The following LRP2 variants were observed in gnomAD, a reference collection of about 807,000 sequenced individuals.
The protein encoded by LRP2 is LDL receptor related protein 2, also known as low-density lipoprotein receptor-related protein 2.
A neutral mutation model predicts 531.0 loss-of-function variants in LRP2; 172 were observed. The observed-to-expected ratio is 0.32, with a 90% CI of 0.29 to 0.37. The LOEUF is 0.37. LRP2 is among the 10% of genes least tolerant of loss of function. LRP2 has a pLI of 1.00. For synonymous variants in LRP2, 1,992 were observed against 2,027.6 expected (o/e 0.98, Z 0.47); for missense variants, 5,167 against 5,868.3 (o/e 0.88, Z 3.90).
chr2:169,173,015 C>CGTGGGG, intron 57 of LRP2, 81 bp downstream of exon 57: 3 of 1,399,858 alleles, frequency 2.1e-6, no homozygotes, highest in Non-Finnish European at 3.0e-6. Context: ...GGGAAATACA[C>CGTGGGG]TCTCATCTCT....
chr2:169,145,851 C>T lies in LRP2; in HGVS notation c.12884G>A (p.Trp4295Ter), dbSNP rs1685886355. The change falls in exon 70 of 79, where the codon TGG (tryptophan) becomes TAG (stop). Residue 4295 changes from tryptophan to a stop codon, truncating the protein, a stop_gained. Transcript: ENST00000649046. LOFTEE classifies it high-confidence loss of function. Reference sequence around the variant, plus strand: ...TCCTTGCCCAAATTTATTTTGTTTCCATACTTCTCCCTTTTCCTTAGATAT... The same window carrying T: ...TCCTTGCCCAAATTTATTTTGTTTCTATACTTCTCCCTTTTCCTTAGATAT... ...YWISKEKGEV[W>*]KQNKFGQGKK... The T allele has an allele frequency of 6.2e-7, 1 of 1,614,096 alleles. No homozygotes were observed. The highest frequency in any genetic ancestry group is 8.5e-7 in the Non-Finnish European group (1 of 1,179,988).
In LRP2 at chr2:169,294,239, C is replaced by T; in HGVS notation, c.561G>A (p.Glu187=). ...INCTEICLHN[E]FSCGNGECIP... is the part of the protein sequence containing the mutation. Reference sequence around the variant, plus strand: ...TACACTCTCCATTGCCACATGAAAACTCATTGTGCAAGCATATCTCAGCTG... The same window carrying T: ...TACACTCTCCATTGCCACATGAAAATTCATTGTGCAAGCATATCTCAGCTG... Residue 187 remains glutamate, a synonymous_variant, in exon 6 of 79, where the codon GAG becomes GAA. Coordinates refer to ENST00000649046, the MANE Select transcript of LRP2 (RefSeq NM_004525.3). The T allele has an allele frequency of 6.2e-7, 1 of 1,611,800 alleles. No individual in the cohort carries two copies. The highest frequency in any genetic ancestry group is 8.5e-7 in the Non-Finnish European group (1 of 1,177,936).
At chr2:169,349,042 A>G (rs965922605) in intron 1 of LRP2, among the ~76,000 whole-genome samples, 30 of 152,296 alleles carry the variant, frequency 2.0e-4, no homozygotes, top group African/African-American at 7.2e-4. Flanking sequence ...ATGTATATTC[A>G]TTTATTTAGC....
In LRP2 at chr2:169,233,537, T is replaced by C; in HGVS notation, c.4972A>G (p.Thr1658Ala). 1 of 1,614,064 alleles carries C rather than the reference T, an allele frequency of 6.2e-7. No homozygotes were observed. Among genetic ancestry groups the C allele is most frequent in the Non-Finnish European group, 8.5e-7 (1 of 1,180,022 alleles). The change falls in exon 30 of 79, where the codon ACT (threonine) becomes GCT (alanine). Residue 1658 changes from threonine (T) to alanine (A), a missense_variant. Physicochemically the swap from Thr to Ala is moderately conservative, Grantham distance 58. This residue lies in a region of LRP2 where 2,811 missense variants were observed against 3,058.0 expected (regional missense o/e 0.92). Transcript: ENST00000649046. ...LTLFEDSVYW[T>A]DRATRRVMRA... ...ATAACCCGACGAGTAGCACGGTCAG[T>C]CCAGTACACAGAGTCTTCAAAGAGA... is the stretch of plus-strand genomic sequence containing the variant.
rs112315891 is a variant in LRP2, at chr2:169,176,969, G to C, written c.10394-381C>G. Among the ~76,000 whole-genome samples the C allele has an allele frequency of 2.9e-3, 435 of 152,208 alleles. 1 individual carries two copies. The highest frequency in any genetic ancestry group is 9.2e-3 in the African/African-American group (381 of 41,530). On this transcript the variant is annotated intron_variant, in intron 53 of 78. Transcript: ENST00000649046. ...TCATTCCCTCATTCTAAGTATACAG[G>C]TAACAAGTTTGGCCAAAAATAATGT...
chr2:169,313,538 C>A (rs575305652), intron 3 of LRP2, among the ~76,000 whole-genome samples: 1 of 152,192 alleles, frequency 6.6e-6, no homozygotes, highest in South Asian at 2.1e-4. Context: ...TATTGCAGAA[C>A]AGCAAATGTT....
chr2:169,208,458 A>T (rs970806768), intron 38 of LRP2, among the ~76,000 whole-genome samples: 1 of 151,884 alleles, frequency 6.6e-6, no homozygotes, highest in Non-Finnish European at 1.5e-5. Flanking sequence ...TCCTTTTTTT[A>T]AATTTTTTTT....
At chr2:169,173,810 G>T in intron 56 of LRP2, 109 bp downstream of exon 56, 4 of 1,468,076 alleles carry the variant, frequency 2.7e-6, no homozygotes, top group Non-Finnish European at 2.8e-6. Context: ...CCAAGGGGGA[G>T]CATCCCATCA....
intron 4 of LRP2, among the ~76,000 whole-genome samples, chr2:169,303,246 T>C (rs370601108): frequency 5.3e-5 from 8 of 152,160 alleles, no homozygotes; most frequent in African/African-American, 1.9e-4. Flanking sequence ...AATAATAAAA[T>C]AGCTAAGTAA....
In LRP2 at chr2:169,172,421, G is replaced by A. The variant is rs371451602; in HGVS notation, c.11144-287C>T. 9.8e-5 allele frequency among the ~76,000 whole-genome samples: 15 copies of A among 152,288 alleles called. No individual in the cohort carries two copies. The South Asian group carries it at 1.2e-3, about 13-fold the overall frequency. ...AAGGCCTGGTATGGGAGGCTAAAAT[G>A]ATGCCATAATAAATAAATATTTTGA... On this transcript the variant is annotated intron_variant, in intron 57 of 78. Coordinates refer to ENST00000649046, the MANE Select transcript of LRP2 (RefSeq NM_004525.3).
intron 1 of LRP2, among the ~76,000 whole-genome samples, chr2:169,353,128 T>C (rs1419473514): frequency 6.6e-6 from 1 of 152,220 alleles, no homozygotes; most frequent in Non-Finnish European, 1.5e-5. Flanking sequence ...CTTTTTTAAG[T>C]TCCTCAGGTG....
At chr2:169,203,455 G>A (rs1176474941) in intron 42 of LRP2, among the ~76,000 whole-genome samples, 1 of 152,158 alleles carries the variant, frequency 6.6e-6, no homozygotes, top group African/African-American at 2.4e-5. Flanking sequence ...ACTCCATCAA[G>A]CTTGTATTTA....
At chr2:169,310,084 A>C (rs1684549560) in intron 3 of LRP2, among the ~76,000 whole-genome samples, 1 of 152,182 alleles carries the variant, frequency 6.6e-6, no homozygotes, top group Non-Finnish European at 1.5e-5. Context: ...GTATCCTGAG[A>C]CTTTGCTGAA....
At chr2:169,282,235 A>T (rs1364871490) in intron 10 of LRP2, among the ~76,000 whole-genome samples, 1 of 152,182 alleles carries the variant, frequency 6.6e-6, no homozygotes, top group Non-Finnish European at 1.5e-5. Context: ...GTGTTAAATA[A>T]CTATTGGAAA....
At chr2:169,269,195 T>TCCCCA (rs1360548872) in intron 16 of LRP2, among the ~76,000 whole-genome samples, 1 of 152,190 alleles carries the variant, frequency 6.6e-6, no homozygotes, top group Non-Finnish European at 1.5e-5. Flanking sequence ...GATTTATAGA[T>TCCCCA]TCAATGCCAT....
chr2:169,257,837 A>C (rs1033758257), intron 17 of LRP2, among the ~76,000 whole-genome samples: 16 of 146,412 alleles, frequency 1.1e-4, no homozygotes, highest in African/African-American at 2.6e-4. Flanking sequence ...AAAAAAAAAA[A>C]CACAAAAAAA....
At chr2:169,140,583 G>T (rs1685686007) in intron 71 of LRP2, 38 bp from the exon 72 acceptor site, 1 of 1,525,082 alleles carries the variant, frequency 6.6e-7, no homozygotes, top group Non-Finnish European at 9.1e-7. Flanking sequence ...TTAGTCAGCT[G>T]TACTCAGCAG....
intron 9 of LRP2, among the ~76,000 whole-genome samples, chr2:169,284,256 C>CTTTTCTTTTTTTTTTTTTTTTTTTTT (rs1683784363): frequency 1.0e-5 from 1 of 96,668 alleles, no homozygotes; most frequent in African/African-American, 4.4e-5. Flanking sequence ...TCTTTTTTTT[C>CTTTTCTTTTTTTTTTTTTTTTTTTTT]TTTTTTTTTT....
rs1191229849 is a variant in LRP2 at position 169,210,067 on chromosome 2, T to A, written c.6281-426A>T. On this transcript the variant is annotated intron_variant, in intron 37 of 78. Transcript: ENST00000649046. ...TAAAAATTTGAGCCCATAATAATAA[T>A]AAATTATTTAAAAAGTAAACCGGGG... is the stretch of plus-strand genomic sequence containing the variant. Among the ~76,000 whole-genome samples the A allele has an allele frequency of 2.0e-5, 3 of 152,148 alleles. No homozygotes were observed. The East Asian group carries it at 5.8e-4, about 29-fold the overall frequency.
Sources: allele counts gnomAD v4.1 joint callset (sites outside exome capture counted in the v4.1 genomes callset), GRCh38; gene constraint gnomAD v4.1.1; regional missense constraint gnomAD v4.1.1; transcripts MANE v1.5; gene names NCBI Gene and HGNC (gene_info 2026-07-23, HGNC 2026-07-21).